The following NRAP variants were observed in gnomAD, a reference collection of about 807,000 sequenced individuals.
The protein encoded by NRAP is nebulin related anchoring protein, also known as nebulin-related-anchoring protein.
A neutral mutation model predicts 225.9 loss-of-function variants in NRAP; 189 were observed. The observed-to-expected ratio is 0.84, with a 90% CI of 0.74 to 0.94. NRAP has a LOEUF of 0.94. NRAP is among the 40% of genes least tolerant of loss of function. The pLI, the probability that NRAP is intolerant of heterozygous loss-of-function variation, is 0.00. For synonymous variants in NRAP, 769 were observed against 790.7 expected, an observed-to-expected ratio of 0.97 and a Z score of 0.46; for missense variants, 2,176 against 2,168.7, an observed-to-expected ratio of 1.00 and a Z score of -0.07.
At position 113,620,612 on chromosome 10, in the gene NRAP, TGAG is replaced by T; in HGVS notation, c.2863_2865del (p.Leu955del). ...CTGTCAGGAAATCTCACCTCGCTAA[TGAG>T]TTCTCCTGCCTTCTTCGCCTGCTCC... On this transcript the variant is annotated inframe_deletion, in exon 25 of 42. Transcript: ENST00000359988. The T allele has an allele frequency of 6.2e-7, 1 of 1,609,296 alleles. No homozygotes were observed. The highest frequency in any genetic ancestry group is 8.5e-7 in the Non-Finnish European group (1 of 1,175,694).
chr10:113,654,900 G>T (rs143778548), intron 4 of NRAP, among the ~76,000 whole-genome samples: 200 of 151,766 alleles, frequency 1.3e-3, no homozygotes, highest in African/African-American at 4.5e-3. Flanking sequence ...TAAATTCCAG[G>T]AATGTAGGCT....
At chr10:113,644,350 G>A (rs1159816198) in intron 11 of NRAP, among the ~76,000 whole-genome samples, 1 of 152,092 alleles carries the variant, frequency 6.6e-6, no homozygotes, top group East Asian at 1.9e-4. Context: ...TTCTGTGAGT[G>A]AGAGCAAAGG....
intron 3 of NRAP, among the ~76,000 whole-genome samples, chr10:113,660,796 T>C (rs181799973): frequency 3.9e-5 from 6 of 152,326 alleles, no homozygotes; most frequent in Non-Finnish European, 8.8e-5. Context: ...GCTTTTTGTC[T>C]TCTGGAGAGT....
chr10:113,623,596 C>T lies in NRAP; in HGVS notation c.2390G>A (p.Gly797Glu), dbSNP rs371294059. The change falls in exon 23 of 42, where the codon GGG (glycine) becomes GAG (glutamate). Residue 797 changes from glycine to glutamate, a missense_variant. Coordinates refer to ENST00000359988, the MANE Select transcript of NRAP (RefSeq NM_198060.4). ...CAAGGAATCAAGACGCAGCTCAAAC[C>T]CTTTTGCTTTCTGGTTTTCCCAGCT... ...KSSWENQKAK[G>E]FELRLDSLTF... 26 of 1,613,842 alleles carry T rather than the reference C, an allele frequency of 1.6e-5. No individual in the cohort carries two copies. In the African/African-American group the frequency reaches 1.7e-4, roughly 11 times the overall value.
chr10:113,634,441 G>T (rs1848748227), intron 14 of NRAP, among the ~76,000 whole-genome samples: 1 of 152,166 alleles, frequency 6.6e-6, no homozygotes, highest in Non-Finnish European at 1.5e-5. Flanking sequence ...TAACTGGCCA[G>T]TGAACATACA....
In NRAP at chr10:113,621,867, A is replaced by G. The variant is rs758136555; in HGVS notation, c.2769+2T>C. 1 of 1,605,468 alleles carries G rather than the reference A, an allele frequency of 6.2e-7. No individual in the cohort carries two copies. The highest frequency in any genetic ancestry group is 1.1e-5 in the South Asian group (1 of 90,092). ...AAGTGCACACACTCACACAGAGCTT[A>G]CATCACTCTGTAAGCCATAAGCCTT... On this transcript the variant is annotated splice_donor_variant, in intron 24 of 41. Coordinates refer to ENST00000359988, the MANE Select transcript of NRAP (RefSeq NM_198060.4). LOFTEE classifies it high-confidence loss of function.
At chr10:113,599,262 T>C (rs1453547997) in intron 35 of NRAP, among the ~76,000 whole-genome samples, 5 of 152,206 alleles carry the variant, frequency 3.3e-5, no homozygotes, top group African/African-American at 1.2e-4. Context: ...TGCTGGTTAA[T>C]GCCCCTGTGC....
At chr10:113,591,647 T>C (rs907730081) in intron 39 of NRAP, among the ~76,000 whole-genome samples, 4 of 152,214 alleles carry the variant, frequency 2.6e-5, no homozygotes. Context: ...TGCCCTCTCT[T>C]GCAGAATACC....
chr10:113,657,323 T>C, intron 4 of NRAP, 147 bp downstream of exon 4: 1 of 604,066 alleles, frequency 1.7e-6, no homozygotes, highest in East Asian at 2.8e-5. Flanking sequence ...GACACGCTGA[T>C]TGAGGTCTTC....
At chr10:113,647,123 G>A (rs1849564193) in intron 9 of NRAP, 96 bp from the exon 10 acceptor site, 3 of 798,018 alleles carry the variant, frequency 3.8e-6, no homozygotes, top group Non-Finnish European at 6.7e-6. Flanking sequence ...TCTCACAGAG[G>A]TTCATCCACC....
intron 25 of NRAP, 52 bp from the exon 26 acceptor site, chr10:113,617,605 C>G (rs749637445): frequency 1.2e-5 from 13 of 1,051,462 alleles, no homozygotes; most frequent in Non-Finnish European, 1.9e-5. Context: ...CTCTTTCATG[C>G]CATTTGAAAG....
chr10:113,659,961 C>A (rs879289656), intron 3 of NRAP, among the ~76,000 whole-genome samples: 1 of 151,752 alleles, frequency 6.6e-6, no homozygotes, highest in Non-Finnish European at 1.5e-5. Flanking sequence ...CACCCTAGGG[C>A]AGTTGTAAGA....
rs1331669125 is a variant in NRAP at position 113,589,753 on chromosome 10, C to A, written c.5001G>T (p.Trp1667Cys). 6.2e-7 allele frequency: 1 copy of A among 1,614,128 alleles called. No individual in the cohort carries two copies. Among genetic ancestry groups the A allele is most frequent in the Non-Finnish European group, 8.5e-7 (1 of 1,180,022 alleles). ...SDLNLTRGVGWTPPGSYKVEM... is the reference protein window; with the variant it reads ...SDLNLTRGVGCTPPGSYKVEM... ...CCACTTTGTAGGAGCCAGGAGGGGT[C>A]CAGCCAACACCTCTGGTCAGGTTCA... The change falls in exon 41 of 42, where the codon TGG (tryptophan) becomes TGT (cysteine). Residue 1667 changes from tryptophan to cysteine, a missense_variant. Around this residue, in one of 3 missense-constraint regions of NRAP, gnomAD observed 445 missense variants for 426.1 expected, o/e 1.04. Transcript: ENST00000359988.
chr10:113,614,726 T>C, intron 28 of NRAP, 113 bp downstream of exon 28: 1 of 701,048 alleles, frequency 1.4e-6, no homozygotes, highest in South Asian at 1.7e-5. Flanking sequence ...ACACAGTCAG[T>C]TCGGAGAGGA....
At chr10:113,589,572 C>G in intron 41 of NRAP, 94 bp downstream of exon 41, 1 of 1,473,048 alleles carries the variant, frequency 6.8e-7, no homozygotes, top group Non-Finnish European at 9.2e-7. Context: ...AGCTAGCTGA[C>G]CTTTGGCCAA....
At chr10:113,619,092 A>G (rs560778228) in intron 25 of NRAP, among the ~76,000 whole-genome samples, 4 of 152,238 alleles carry the variant, frequency 2.6e-5, no homozygotes, top group Non-Finnish European at 5.9e-5. Flanking sequence ...AGACAAGCCC[A>G]TCAAAGAGGA....
At position 113,590,830 on chromosome 10, in the gene NRAP, G is replaced by A. The variant is rs141148527; in HGVS notation, c.4704C>T (p.Val1568=). The A allele has an allele frequency of 1.2e-4, 200 of 1,614,118 alleles. 1 individual carries two copies. The African/African-American group carries it at 2.2e-3, about 18-fold the overall frequency. ...AATGCTTCATCCTTGGGTCATCGTCGACACTGCGGTACCCGATCTGCAGGC... is the reference window on the plus strand; with the variant it reads ...AATGCTTCATCCTTGGGTCATCGTCAACACTGCGGTACCCGATCTGCAGGC... ...DRGLQIGYRS[V]DDDPRMKHFL... The change falls in exon 40 of 42, where the codon GTC becomes GTT. Residue 1568 remains valine (V), a synonymous_variant. Transcript: ENST00000359988.
Position 113,606,257 on chromosome 10 carries a change from T to A in NRAP, c.3728A>T (p.Asp1243Val), listed in dbSNP as rs77072919. ...GGTCATTGTATACTCGTGTCTTGCA[T>A]CCTCTCCAGCTGCTTTATAGAGGCG... ...NERLYKAAGE[D>V]ARHEYTMTLG... The change falls in exon 33 of 42, where the codon GAT becomes GTT. Residue 1243 changes from aspartate to valine, a missense_variant. This residue lies in a region of NRAP where 1,708 missense variants were observed against 1,695.5 expected (regional missense o/e 1.01). Coordinates refer to ENST00000359988, the MANE Select transcript of NRAP (RefSeq NM_198060.4). 2,820 of 1,613,956 alleles carry A rather than the reference T, an allele frequency of 1.7e-3. 41 individuals carry two copies. In the African/African-American group the frequency reaches 0.03, roughly 17 times the overall value.
chr10:113,605,377 A>T (rs1405424746), intron 34 of NRAP, among the ~76,000 whole-genome samples: 1 of 152,210 alleles, frequency 6.6e-6, no homozygotes, highest in Non-Finnish European at 1.5e-5. Context: ...TCCTAACACC[A>T]ATGCGTGAAA....
Sources: allele counts gnomAD v4.1 joint callset (sites outside exome capture counted in the v4.1 genomes callset), GRCh38; gene constraint gnomAD v4.1.1; regional missense constraint gnomAD v4.1.1; transcripts MANE v1.5; gene names NCBI Gene and HGNC (gene_info 2026-07-23, HGNC 2026-07-21).